Variants in CPNE8 observed in about 807,000 individuals in gnomAD.
The protein encoded by CPNE8 is copine 8, also known as copine-8.
Under a neutral mutation model 81.5 loss-of-function variants are expected in CPNE8, and 45 were observed. The ratio of observed to expected loss-of-function variants is 0.55; its 90% CI spans 0.44 to 0.71. CPNE8 has a LOEUF of 0.71. CPNE8 is among the 30% of genes least tolerant of loss of function. CPNE8 has a pLI of 0.00. For missense variants in CPNE8, 594 were observed against 672.1 expected (o/e 0.88, Z 1.28); for synonymous variants, 252 against 226.3 (o/e 1.11, Z -1.02).
At chr12:38,876,920 C>G (rs1037039749) in intron 1 of CPNE8, among the ~76,000 whole-genome samples, 2 of 152,024 alleles carry the variant, frequency 1.3e-5, no homozygotes. Flanking sequence ...TTTTATCTTC[C>G]CAATATCCTA....
intron 13 of CPNE8, among the ~76,000 whole-genome samples, chr12:38,703,399 C>G (rs1341589922): frequency 6.6e-6 from 1 of 152,108 alleles, no homozygotes; most frequent in Non-Finnish European, 1.5e-5. Flanking sequence ...ACACGATTTT[C>G]TCCAGCATCC....
At chr12:38,844,135 T>C (rs534762731) in intron 4 of CPNE8, among the ~76,000 whole-genome samples, 54 of 152,304 alleles carry the variant, frequency 3.5e-4, no homozygotes, top group African/African-American at 1.3e-3. Flanking sequence ...TATAATAACA[T>C]TATACATTTC....
At chr12:38,756,167 G>C (rs559524664) in intron 10 of CPNE8, among the ~76,000 whole-genome samples, 1 of 151,430 alleles carries the variant, frequency 6.6e-6, no homozygotes, top group African/African-American at 2.4e-5. Flanking sequence ...TCATAGATTT[G>C]TGAGGTGCTT....
intron 12 of CPNE8, 130 bp from the exon 13 acceptor site, chr12:38,723,963 T>C (rs1348251947): frequency 1.6e-6 from 1 of 625,368 alleles, no homozygotes; most frequent in Admixed American, 3.0e-5. Flanking sequence ...TTTATTAACA[T>C]CTGCTAGGAC....
intron 6 of CPNE8, among the ~76,000 whole-genome samples, chr12:38,781,407 C>T (rs890723464): frequency 1.3e-5 from 2 of 151,754 alleles, no homozygotes; most frequent in South Asian, 4.1e-4. Flanking sequence ...AAATAGATAA[C>T]AAAATTTGAT....
intron 1 of CPNE8, among the ~76,000 whole-genome samples, chr12:38,893,968 G>A (rs1053129649): frequency 6.6e-6 from 1 of 151,986 alleles, no homozygotes; most frequent in African/African-American, 2.4e-5. Flanking sequence ...TTTACAATGG[G>A]CTTTGACAAT....
chr12:38,776,146 C>T lies in CPNE8; in HGVS notation c.471+92G>A, dbSNP rs1941930376. On this transcript the variant is annotated intron_variant, in intron 7 of 19. Coordinates refer to ENST00000331366, the MANE Select transcript of CPNE8 (RefSeq NM_153634.3). ...ATAAAATTGTATAACACTTTTGCTACAATTACTTAAAAATTAATTAGTTAA... is the reference window on the plus strand; with the variant it reads ...ATAAAATTGTATAACACTTTTGCTATAATTACTTAAAAATTAATTAGTTAA... 9.0e-6 allele frequency: 5 copies of T among 557,162 alleles called. No homozygotes were observed. The South Asian group carries it at 1.9e-4, about 22-fold the overall frequency. The allele number at this position is 557,162 out of a possible 1,614,324, so 34.5% of individuals were successfully genotyped here.
At chr12:38,654,701 C>T (rs371511530) in intron 19 of CPNE8, among the ~76,000 whole-genome samples, 3 of 151,940 alleles carry the variant, frequency 2.0e-5, no homozygotes, top group African/African-American at 7.3e-5. Flanking sequence ...AGGTTCTATA[C>T]CCAGCCTGAA....
At chr12:38,793,264 A>G (rs1222767492) in intron 6 of CPNE8, among the ~76,000 whole-genome samples, 1 of 144,452 alleles carries the variant, frequency 6.9e-6, no homozygotes, top group Admixed American at 6.7e-5. Flanking sequence ...AAAATTGAAA[A>G]TGAAGAAATA....
intron 10 of CPNE8, among the ~76,000 whole-genome samples, chr12:38,746,520 G>T (rs753111562): frequency 3.9e-5 from 6 of 152,128 alleles, no homozygotes; most frequent in African/African-American, 1.4e-4. Context: ...AGAGTTGAAC[G>T]ACTAAATATC....
At chr12:38,896,067 A>G (rs1472901670) in intron 1 of CPNE8, among the ~76,000 whole-genome samples, 2 of 152,166 alleles carry the variant, frequency 1.3e-5, no homozygotes, top group African/African-American at 4.8e-5. Context: ...ACAAAGAGTT[A>G]GATTTTGAGA....
At chr12:38,896,752 C>A (rs1370828361) in intron 1 of CPNE8, among the ~76,000 whole-genome samples, 1 of 152,104 alleles carries the variant, frequency 6.6e-6, no homozygotes, top group Non-Finnish European at 1.5e-5. Flanking sequence ...TTTTATTCCA[C>A]ACTCTCTCCA....
At chr12:38,760,451 A>G (rs190918397) in intron 10 of CPNE8, among the ~76,000 whole-genome samples, 21 of 120,170 alleles carry the variant, frequency 1.7e-4, no homozygotes, top group East Asian at 6.6e-4. Context: ...ATATATATAT[A>G]TGTGTGTGTA....
At chr12:38,655,219 A>G (rs977278556) in intron 19 of CPNE8, among the ~76,000 whole-genome samples, 1 of 152,204 alleles carries the variant, frequency 6.6e-6, no homozygotes, top group African/African-American at 2.4e-5. Context: ...CTATATCTTT[A>G]TATATGTAAT....
intron 3 of CPNE8, among the ~76,000 whole-genome samples, chr12:38,851,395 T>C (rs1157769718): frequency 1.3e-5 from 2 of 152,234 alleles, no homozygotes; most frequent in Non-Finnish European, 2.9e-5. Context: ...TACTGGTGCT[T>C]ACCAAGTTTA....
At chr12:38,713,947 T>A (rs1246797832) in intron 13 of CPNE8, among the ~76,000 whole-genome samples, 1 of 152,164 alleles carries the variant, frequency 6.6e-6, no homozygotes, top group Non-Finnish European at 1.5e-5. Flanking sequence ...TAGCAGGGAC[T>A]CGGTGTGCAA....
intron 1 of CPNE8, among the ~76,000 whole-genome samples, chr12:38,894,410 T>TA: frequency 6.6e-6 from 1 of 152,152 alleles, no homozygotes; most frequent in Non-Finnish European, 1.5e-5. Flanking sequence ...TGATATTGAT[T>TA]ACGCCTCCTT....
chr12:38,792,194 C>T (rs532232400), intron 6 of CPNE8, among the ~76,000 whole-genome samples: 3 of 150,902 alleles, frequency 2.0e-5, no homozygotes, highest in Non-Finnish European at 4.5e-5. Context: ...ACAAGAAAAA[C>T]CTAAACCCAA....
chr12:38,772,250 A>G (rs556398429), intron 7 of CPNE8, among the ~76,000 whole-genome samples: 10 of 152,282 alleles, frequency 6.6e-5, no homozygotes, highest in South Asian at 4.1e-4. Flanking sequence ...CTGGTAGAAG[A>G]GTGAGCTAAA....
Sources: allele counts gnomAD v4.1 joint callset (sites outside exome capture counted in the v4.1 genomes callset), GRCh38; gene constraint gnomAD v4.1.1; transcripts MANE v1.5; gene names NCBI Gene and HGNC (gene_info 2026-07-23, HGNC 2026-07-21).